Variants in VPS13B observed in about 807,000 individuals in gnomAD.
VPS13B encodes the protein intermembrane lipid transfer protein VPS13B.
A neutral mutation model predicts 426.4 loss-of-function variants in VPS13B; 285 were observed. That is an observed-to-expected ratio of 0.67 (90% CI 0.61 to 0.74). The LOEUF is 0.74. Among genes scored for constraint, VPS13B ranks in the 30% least tolerant of loss-of-function variants. The probability of loss-of-function intolerance (pLI) is 0.00; values close to 1 mark genes in which losing one functional copy is unlikely to be tolerated. For missense variants in VPS13B, 4,537 were observed against 4,782.6 expected, an observed-to-expected ratio of 0.95 and a Z score of 1.51; for synonymous variants, 1,676 against 1,676.4, an observed-to-expected ratio of 1.00 and a Z score of 0.01.
chr8:99,158,772 A>G (rs1401138548), intron 15 of VPS13B, among the ~76,000 whole-genome samples: 1 of 152,166 alleles, frequency 6.6e-6, no homozygotes, highest in Non-Finnish European at 1.5e-5. Context: ...GCGCTCACGG[A>G]CAATGCTCCT....
intron 3 of VPS13B, among the ~76,000 whole-genome samples, chr8:99,040,082 T>C (rs556272153): frequency 8.2e-4 from 125 of 152,174 alleles, no homozygotes; most frequent in Non-Finnish European, 1.3e-3. Context: ...CAGTGTTCCA[T>C]ATTAAAAGAG....
At chr8:99,296,564 A>C (rs1165043552) in intron 19 of VPS13B, among the ~76,000 whole-genome samples, 3 of 152,212 alleles carry the variant, frequency 2.0e-5, no homozygotes, top group African/African-American at 7.2e-5. Flanking sequence ...TTATCTGTGC[A>C]TATTGTGAAT....
intron 5 of VPS13B, among the ~76,000 whole-genome samples, chr8:99,104,821 TG>T (rs1281843582): frequency 6.6e-6 from 1 of 151,880 alleles, no homozygotes; most frequent in Non-Finnish European, 1.5e-5. Context: ...GATGGGGTTT[TG>T]CCCTGTTGCC....
chr8:99,645,438 G>A (rs2133937382), intron 34 of VPS13B, among the ~76,000 whole-genome samples: 1 of 152,290 alleles, frequency 6.6e-6, no homozygotes, highest in East Asian at 1.9e-4. Flanking sequence ...GAAAACCTGG[G>A]ATTTTTATTC....
intron 17 of VPS13B, among the ~76,000 whole-genome samples, chr8:99,213,768 A>G (rs1228710771): frequency 6.7e-6 from 1 of 149,986 alleles, no homozygotes; most frequent in East Asian, 1.9e-4. Flanking sequence ...GAAAGCTCCT[A>G]CTTGAGCTGA....
At position 99,853,638 on chromosome 8, in the gene VPS13B, C is replaced by G. The variant is rs775729225; in HGVS notation, c.10249C>G (p.Leu3417Val). 10 of 1,614,046 alleles carry G rather than the reference C, an allele frequency of 6.2e-6. No individual in the cohort carries two copies. Among genetic ancestry groups the G allele is most frequent in the South Asian group, 1.1e-5 (1 of 91,086 alleles). The change falls in exon 56 of 62, where the codon CTT (leucine) becomes GTT (valine). Residue 3417 changes from leucine (L) to valine (V), a missense_variant. Leu to Val is a conservative substitution (Grantham distance 32). Coordinates refer to ENST00000357162, the MANE Select transcript of VPS13B (RefSeq NM_152564.5). Reference sequence around the variant, plus strand: ...AGAGCCTGTGGCTGCGTTGTTTGAACTTTACTGTGTGGAGATCTGCTGTGG... The same window carrying G: ...AGAGCCTGTGGCTGCGTTGTTTGAAGTTTACTGTGTGGAGATCTGCTGTGG... ...GEEPVAALFE[L>V]YCVEICCGDL...
rs1810365700 is a variant in VPS13B, at chr8:99,140,650, T to G, written c.1652-2324T>G. On this transcript the variant is annotated intron_variant, in intron 12 of 61. Transcript: ENST00000357162. The stretch of plus-strand genomic sequence containing the variant: ...CTTCCTCCTCCTCCCCCTCCTTGCC[T>G]TCCTCCCCCTCCTCCCCGTCCTTCT... Among the ~76,000 whole-genome samples the G allele has an allele frequency of 6.0e-5, 7 of 117,590 alleles. No individual in the cohort carries two copies. The South Asian group carries it at 1.0e-3, about 17-fold the overall frequency. 77.1% of individuals were successfully genotyped at this position (117,590 alleles called of 152,430 possible).
chr8:99,748,773 T>C (rs1046705973), intron 39 of VPS13B, among the ~76,000 whole-genome samples: 2 of 152,042 alleles, frequency 1.3e-5, no homozygotes, highest in African/African-American at 2.4e-5. Context: ...CAGGAGTATA[T>C]AGTCTCTCTA....
chr8:99,109,418 CTG>C (rs1847242799), intron 5 of VPS13B, among the ~76,000 whole-genome samples: 2 of 144,886 alleles, frequency 1.4e-5, no homozygotes, highest in African/African-American at 5.2e-5. Context: ...AGTCTTAACT[CTG>C]TTGTTCAGGC....
intron 19 of VPS13B, among the ~76,000 whole-genome samples, chr8:99,303,442 A>G (rs1820477040): frequency 1.3e-5 from 2 of 151,722 alleles, no homozygotes. Context: ...CCACCATTAA[A>G]GGAATTAAAG....
At chr8:99,288,493 C>T (rs1819560412) in intron 19 of VPS13B, among the ~76,000 whole-genome samples, 1 of 151,860 alleles carries the variant, frequency 6.6e-6, no homozygotes, top group Non-Finnish European at 1.5e-5. Context: ...TAATGAAATA[C>T]AATTTCATTT....
intron 54 of VPS13B, among the ~76,000 whole-genome samples, chr8:99,844,110 C>T (rs1369264137): frequency 6.6e-6 from 1 of 152,150 alleles, no homozygotes; most frequent in Non-Finnish European, 1.5e-5. Flanking sequence ...AATCTGCCTT[C>T]GTGTTCAGAG....
chr8:99,138,215 C>T (rs1303842791), intron 12 of VPS13B, among the ~76,000 whole-genome samples: 1 of 152,110 alleles, frequency 6.6e-6, no homozygotes, highest in Non-Finnish European at 1.5e-5. Flanking sequence ...CAACTTCTGC[C>T]TCCCTGGTTC....
At chr8:99,486,107 A>G (rs1231480305) in intron 25 of VPS13B, among the ~76,000 whole-genome samples, 1 of 152,158 alleles carries the variant, frequency 6.6e-6, no homozygotes. Flanking sequence ...TGCTTTTGCC[A>G]GGGTGCTAGA....
intron 24 of VPS13B, among the ~76,000 whole-genome samples, chr8:99,478,682 C>G (rs1381635173): frequency 1.3e-5 from 2 of 151,872 alleles, no homozygotes; most frequent in Non-Finnish European, 2.9e-5. Context: ...CTCCTGACCT[C>G]AGGTGATCCG....
chr8:99,412,262 G>A (rs1815717961), intron 21 of VPS13B, among the ~76,000 whole-genome samples: 2 of 152,246 alleles, frequency 1.3e-5, no homozygotes, highest in South Asian at 4.1e-4. Flanking sequence ...GTGGTTTGTA[G>A]TTCTCCTTGA....
chr8:99,624,210 G>A (rs866350801), intron 33 of VPS13B, among the ~76,000 whole-genome samples: 6 of 151,530 alleles, frequency 4.0e-5, no homozygotes, highest in Middle Eastern at 3.2e-3. Context: ...AGTTCTTTTG[G>A]TTTAAAGTAC....
intron 16 of VPS13B, among the ~76,000 whole-genome samples, chr8:99,172,664 T>C (rs1042347758): frequency 6.6e-6 from 1 of 152,184 alleles, no homozygotes; most frequent in East Asian, 1.9e-4. Context: ...TTTTTGCCTA[T>C]AGTTAAAGTA....
intron 33 of VPS13B, among the ~76,000 whole-genome samples, chr8:99,633,145 T>C (rs1348041852): frequency 6.6e-6 from 1 of 152,060 alleles, no homozygotes; most frequent in African/African-American, 2.4e-5. Context: ...CCATGAATCC[T>C]ACATAATTTC....
Sources: gnomAD v4.1 joint callset for allele counts (sites outside exome capture counted in the v4.1 genomes callset) on GRCh38, gnomAD v4.1.1 for gene constraint, MANE v1.5 for transcripts, NCBI Gene and HGNC (gene_info 2026-07-23, HGNC 2026-07-21) for gene names.